Variants in DCBLD2 observed in about 807,000 individuals in gnomAD.
DCBLD2 encodes discoidin, CUB and LCCL domain containing 2.
In DCBLD2, 54 loss-of-function variants were observed where a neutral mutation model predicts 86.8. The ratio of observed to expected loss-of-function variants is 0.62; its 90% CI spans 0.50 to 0.78. The LOEUF (loss-of-function observed/expected upper bound fraction) is 0.78, where lower values mean the gene tolerates loss of function less well. Among genes scored for constraint, DCBLD2 ranks in the 30% least tolerant of loss-of-function variants. The pLI is 0.00. For synonymous variants in DCBLD2, 354 were observed against 341.3 expected (o/e 1.04, Z -0.41); for missense variants, 908 against 954.2 (o/e 0.95, Z 0.64).
chr3:98,835,939 T>TTTCTTTC (rs1491222055), intron 3 of DCBLD2, among the ~76,000 whole-genome samples: 93 of 1,276 alleles, frequency 0.073, no homozygotes, highest in African/African-American at 0.14. Flanking sequence ...CCTTTCTTTC[T>TTTCTTTC]TTTTTTTTTT....
At position 98,881,782 on chromosome 3, in the gene DCBLD2, A is replaced by G; in HGVS notation, c.206-15T>C. 1 of 1,579,212 alleles carries G rather than the reference A, an allele frequency of 6.3e-7. No individual in the cohort carries two copies. The highest frequency in any genetic ancestry group is 8.6e-7 in the Non-Finnish European group (1 of 1,157,410). On this transcript the variant is annotated splice_polypyrimidine_tract_variant and intron_variant, in intron 1 of 15. Coordinates refer to ENST00000326840, the MANE Select transcript of DCBLD2 (RefSeq NM_080927.4). Reference sequence around the variant, plus strand: ...ACATCCATCACCTTTAAAAAAAGTGAAAAGAATGATAAATTATTCTCACAT... The same window carrying G: ...ACATCCATCACCTTTAAAAAAAGTGGAAAGAATGATAAATTATTCTCACAT...
At chr3:98,834,244 CA>C (rs1372656120) in intron 3 of DCBLD2, among the ~76,000 whole-genome samples, 1 of 146,386 alleles carries the variant, frequency 6.8e-6, no homozygotes, top group Non-Finnish European at 1.5e-5. Flanking sequence ...ATAGAATTCA[CA>C]AAGATCAAAT....
chr3:98,812,256 C>G, intron 10 of DCBLD2, 76 bp downstream of exon 10: 1 of 1,542,602 alleles, frequency 6.5e-7, no homozygotes, highest in South Asian at 1.2e-5. Context: ...TTATTAATTA[C>G]TCTCTCTGAG....
At chr3:98,857,928 G>A (rs991838194) in intron 2 of DCBLD2, among the ~76,000 whole-genome samples, 4 of 152,240 alleles carry the variant, frequency 2.6e-5, no homozygotes, top group East Asian at 1.9e-4. Context: ...ATCCCGCACC[G>A]GGGCTGCAGG....
chr3:98,860,474 G>C (rs904989639), intron 2 of DCBLD2, among the ~76,000 whole-genome samples: 1 of 152,188 alleles, frequency 6.6e-6, no homozygotes, highest in Non-Finnish European at 1.5e-5. Flanking sequence ...CAGCCAGAGA[G>C]AAAGGTTGGG....
At chr3:98,882,691 G>C (rs1943493388) in intron 1 of DCBLD2, among the ~76,000 whole-genome samples, 1 of 152,090 alleles carries the variant, frequency 6.6e-6, no homozygotes. Context: ...CTGTCCTTGT[G>C]GTAATTTGCT....
chr3:98,839,172 C>CT (rs879189827), intron 3 of DCBLD2, among the ~76,000 whole-genome samples: 8 of 21,990 alleles, frequency 3.6e-4, no homozygotes, highest in African/African-American at 1.1e-3. Context: ...TCTTTCTTTC[C>CT]TTTCTTTCTT....
intron 3 of DCBLD2, among the ~76,000 whole-genome samples, chr3:98,829,838 T>C (rs1004550011): frequency 7.9e-5 from 12 of 152,242 alleles, no homozygotes; most frequent in African/African-American, 2.9e-4. Context: ...GTTTCCACAA[T>C]GGTTGAACTT....
At chr3:98,805,141 T>C (rs1321040547) in intron 13 of DCBLD2, 1 of 152,274 alleles carries the variant, frequency 6.6e-6, no homozygotes, top group African/African-American at 2.4e-5. Context: ...CTGGGAAACA[T>C]TCTCCAGTAT....
intron 9 of DCBLD2, 69 bp downstream of exon 9, chr3:98,817,700 A>G: frequency 6.8e-7 from 1 of 1,475,582 alleles, no homozygotes; most frequent in East Asian, 2.3e-5. Context: ...TTTATACAGG[A>G]GAGCTCTGTG....
At chr3:98,882,366 C>T (rs532979964) in intron 1 of DCBLD2, among the ~76,000 whole-genome samples, 1 of 152,112 alleles carries the variant, frequency 6.6e-6, no homozygotes, top group East Asian at 1.9e-4. Flanking sequence ...TGGTCAGCTT[C>T]ATCTATTTAC....
Position 98,875,116 on chromosome 3 carries a change from G to A in DCBLD2, c.433+6424C>T, listed in dbSNP as rs377052732. On this transcript the variant is annotated intron_variant, in intron 2 of 15. Coordinates refer to ENST00000326840, the MANE Select transcript of DCBLD2 (RefSeq NM_080927.4). ...CATAGGCATAAGAAATGGAAAAAAA[G>A]GAAGTAGAACTATCTCTATCTGCAG... 6.6e-5 allele frequency among the ~76,000 whole-genome samples: 10 copies of A among 152,238 alleles called. No individual in the cohort carries two copies. The East Asian group carries it at 1.5e-3, about 23-fold the overall frequency.
intron 3 of DCBLD2, among the ~76,000 whole-genome samples, chr3:98,826,092 T>C (rs1256858201): frequency 6.6e-6 from 1 of 152,020 alleles, no homozygotes; most frequent in Non-Finnish European, 1.5e-5. Flanking sequence ...TAGAAACCAA[T>C]ACAGCTGAGC....
chr3:98,847,751 C>CA (rs1942753676), intron 3 of DCBLD2, among the ~76,000 whole-genome samples: 1 of 152,090 alleles, frequency 6.6e-6, no homozygotes, highest in African/African-American at 2.4e-5. Flanking sequence ...TAACTTAATT[C>CA]AATGCTGAAT....
In DCBLD2 at chr3:98,887,368, C is replaced by A. The variant is rs56293830; in HGVS notation, c.206-5601G>T. ...TAACGTATCTGATTTCATTTGGTTA[C>A]AATAAAGTTTTTATTATTTGGTACT... On this transcript the variant is annotated intron_variant, in intron 1 of 15. Coordinates refer to ENST00000326840, the MANE Select transcript of DCBLD2 (RefSeq NM_080927.4). Among the ~76,000 whole-genome samples the A allele has an allele frequency of 4.3e-4, 66 of 152,094 alleles. No individual in the cohort carries two copies. The East Asian group carries it at 0.01, about 24-fold the overall frequency.
At chr3:98,889,249 A>G (rs1371421761) in intron 1 of DCBLD2, among the ~76,000 whole-genome samples, 1 of 152,040 alleles carries the variant, frequency 6.6e-6, no homozygotes, top group Non-Finnish European at 1.5e-5. Context: ...GAGTGTCATC[A>G]GATAGTAATG....
chr3:98,853,562 A>G (rs532706957), intron 2 of DCBLD2, among the ~76,000 whole-genome samples: 1 of 152,304 alleles, frequency 6.6e-6, no homozygotes, highest in South Asian at 2.1e-4. Context: ...GTGAGCTTGT[A>G]GCCACTTGTA....
At chr3:98,884,838 G>A (rs1352644907) in intron 1 of DCBLD2, among the ~76,000 whole-genome samples, 2 of 152,140 alleles carry the variant, frequency 1.3e-5, no homozygotes, top group African/African-American at 4.8e-5. Flanking sequence ...CGACTTTGTA[G>A]TGGCAGATTG....
chr3:98,887,515 TC>T (rs1292000777), intron 1 of DCBLD2, among the ~76,000 whole-genome samples: 4 of 152,044 alleles, frequency 2.6e-5, no homozygotes, highest in African/African-American at 9.7e-5. Context: ...TTTAATGTCC[TC>T]TTTAGCCCTG....
Sources: gnomAD v4.1 joint callset for allele counts (sites outside exome capture counted in the v4.1 genomes callset) on GRCh38, gnomAD v4.1.1 for gene constraint, MANE v1.5 for transcripts, NCBI Gene and HGNC (gene_info 2026-07-23, HGNC 2026-07-21) for gene names.